The following KCNH8 variants were observed in gnomAD, a reference collection of about 807,000 sequenced individuals.
KCNH8 encodes voltage-gated delayed rectifier potassium channel KCNH8.
KCNH8 carries 70 observed loss-of-function variants against 103.6 expected under a neutral mutation model. That is an observed-to-expected ratio of 0.68 (90% CI 0.56 to 0.82). The LOEUF is 0.82. Among genes scored for constraint, KCNH8 ranks in the 40% least tolerant of loss-of-function variants. KCNH8 has a pLI of 0.00. For synonymous variants in KCNH8, 498 were observed against 489.4 expected, an observed-to-expected ratio of 1.02 and a Z score of -0.23; for missense variants, 1,217 against 1,329.9, an observed-to-expected ratio of 0.92 and a Z score of 1.32.
At chr3:19,481,127 G>C (rs2068078098) in intron 11 of KCNH8, among the ~76,000 whole-genome samples, 1 of 152,136 alleles carries the variant, frequency 6.6e-6, no homozygotes, top group South Asian at 2.1e-4. Flanking sequence ...CAGTAGGCTA[G>C]CCCTCAATCT....
At chr3:19,495,855 T>G (rs996551454) in intron 11 of KCNH8, among the ~76,000 whole-genome samples, 1 of 152,178 alleles carries the variant, frequency 6.6e-6, no homozygotes, top group Non-Finnish European at 1.5e-5. Flanking sequence ...TCCATGTGTT[T>G]GTGTCATCTA....
At chr3:19,345,652 A>AT in intron 4 of KCNH8, among the ~76,000 whole-genome samples, 1 of 151,906 alleles carries the variant, frequency 6.6e-6, no homozygotes, top group Non-Finnish European at 1.5e-5. Context: ...AATTTTAAGA[A>AT]TTTTTTTCAT....
intron 6 of KCNH8, among the ~76,000 whole-genome samples, chr3:19,394,648 T>C (rs2066487958): frequency 6.6e-6 from 1 of 152,064 alleles, no homozygotes; most frequent in Non-Finnish European, 1.5e-5. Flanking sequence ...ATCTCTAAGG[T>C]ATTTTTATTA....
intron 5 of KCNH8, among the ~76,000 whole-genome samples, chr3:19,382,721 G>A (rs909284149): frequency 6.6e-6 from 1 of 151,958 alleles, no homozygotes; most frequent in Non-Finnish European, 1.5e-5. Context: ...CCACAACCTA[G>A]GGAGTTGGAC....
chr3:19,408,840 A>G (rs1029299626), intron 7 of KCNH8, among the ~76,000 whole-genome samples: 1 of 152,144 alleles, frequency 6.6e-6, no homozygotes, highest in East Asian at 1.9e-4. Context: ...TTAAAAAATG[A>G]TCAAAATCTT....
intron 1 of KCNH8, among the ~76,000 whole-genome samples, chr3:19,214,205 G>A (rs1281268970): frequency 6.6e-6 from 1 of 152,110 alleles, no homozygotes; most frequent in Non-Finnish European, 1.5e-5. Flanking sequence ...CCCTTCCTTG[G>A]ATTTTTTCCC....
intron 3 of KCNH8, among the ~76,000 whole-genome samples, chr3:19,285,907 G>C (rs1327240051): frequency 1.3e-5 from 2 of 152,318 alleles, no homozygotes; most frequent in Middle Eastern, 3.4e-3. Flanking sequence ...GATAGAGCGG[G>C]TCAGCAAGAG....
intron 11 of KCNH8, among the ~76,000 whole-genome samples, chr3:19,459,337 A>G (rs1278903611): frequency 1.3e-5 from 2 of 151,906 alleles, no homozygotes; most frequent in Non-Finnish European, 2.9e-5. Flanking sequence ...GATTAGCAAT[A>G]TTGAGCATAT....
chr3:19,480,124 C>G (rs2125212917), intron 11 of KCNH8, among the ~76,000 whole-genome samples: 1 of 152,310 alleles, frequency 6.6e-6, no homozygotes, highest in Middle Eastern at 3.4e-3. Flanking sequence ...ACCACGTAAA[C>G]AATGCAAATA....
intron 7 of KCNH8, among the ~76,000 whole-genome samples, chr3:19,399,851 A>G (rs1332275473): frequency 6.6e-6 from 1 of 151,960 alleles, no homozygotes; most frequent in East Asian, 1.9e-4. Context: ...TAAAAACAAA[A>G]AAGGAATTCA....
chr3:19,371,728 G>GT (rs2066099231), intron 5 of KCNH8, among the ~76,000 whole-genome samples: 1 of 130,846 alleles, frequency 7.6e-6, no homozygotes, highest in African/African-American at 3.3e-5. Context: ...TTCTTCTAGG[G>GT]TTTTTATGGT....
intron 6 of KCNH8, among the ~76,000 whole-genome samples, chr3:19,393,343 C>G (rs2066467326): frequency 6.6e-6 from 1 of 151,984 alleles, no homozygotes; most frequent in Non-Finnish European, 1.5e-5. Flanking sequence ...TTTTTATTGA[C>G]TTAAGAATGA....
At chr3:19,273,275 G>A (rs2064616558) in intron 2 of KCNH8, among the ~76,000 whole-genome samples, 1 of 152,140 alleles carries the variant, frequency 6.6e-6, no homozygotes, top group Non-Finnish European at 1.5e-5. Context: ...TTGCAAATTT[G>A]AAGAAATCTT....
chr3:19,386,395 A>G (rs1418498136), intron 5 of KCNH8, among the ~76,000 whole-genome samples: 1 of 152,202 alleles, frequency 6.6e-6, no homozygotes, highest in Middle Eastern at 3.4e-3. Context: ...TTTTTTGGCA[A>G]TTCTATAAAC....
chr3:19,230,082 G>C (rs2063977015), intron 1 of KCNH8, among the ~76,000 whole-genome samples: 1 of 152,092 alleles, frequency 6.6e-6, no homozygotes, highest in Admixed American at 6.6e-5. Flanking sequence ...AGTTGCAAAA[G>C]GGGAAACCCA....
rs150564414 is a variant in KCNH8, at chr3:19,492,399, C to A, written c.2041-17964C>A. Among the ~76,000 whole-genome samples, 1,209 of 152,258 alleles carry A rather than the reference C, an allele frequency of 7.9e-3. 18 individuals carry two copies. The highest frequency in any genetic ancestry group is 0.027 in the African/African-American group (1,130 of 41,540). On this transcript the variant is annotated intron_variant, in intron 11 of 15. Coordinates refer to ENST00000328405, the MANE Select transcript of KCNH8 (RefSeq NM_144633.3). ...GTTTCATTCTTATGCATATGGCTAT[C>A]CAGTTATCCCAGCACCGTTTATTGA...
At chr3:19,506,068 C>T (rs193225150) in intron 11 of KCNH8, among the ~76,000 whole-genome samples, 17 of 152,268 alleles carry the variant, frequency 1.1e-4, no homozygotes, top group African/African-American at 4.1e-4. Context: ...TTTTATGGTA[C>T]TCATTAGATT....
chr3:19,508,060 T>C (rs1473083122), intron 11 of KCNH8, among the ~76,000 whole-genome samples: 1 of 152,262 alleles, frequency 6.6e-6, no homozygotes, highest in Non-Finnish European at 1.5e-5. Flanking sequence ...GAATTTTGTA[T>C]GTCAAACCAG....
chr3:19,515,364 T>A lies in KCNH8; in HGVS notation c.2478T>A (p.Ser826Arg). The change falls in exon 14 of 16, where the codon AGT (serine) becomes AGA (arginine). Residue 826 changes from serine to arginine, a missense_variant. Physicochemically the swap from Ser to Arg is moderately radical, Grantham distance 110. Transcript: ENST00000328405. ...GIEDGNSSEE[S>R]QTFDFGSERI... ...AAGATGGAAACAGCAGTGAAGAAAG[T>A]CAGACTTTTGATTTTGGCTCTGAAC... 1.9e-6 allele frequency: 3 copies of A among 1,586,258 alleles called. No homozygotes were observed. Among genetic ancestry groups the A allele is most frequent in the Non-Finnish European group, 2.6e-6 (3 of 1,166,406 alleles).
Sources: gnomAD v4.1 joint callset for allele counts (sites outside exome capture counted in the v4.1 genomes callset) on GRCh38, gnomAD v4.1.1 for gene constraint, MANE v1.5 for transcripts, NCBI Gene and HGNC (gene_info 2026-07-23, HGNC 2026-07-21) for gene names.